Variants in SNX24 observed in about 807,000 individuals in gnomAD.
SNX24 encodes the protein sorting nexin 24, also known as sorting nexin-24.
In SNX24, 22 loss-of-function variants were observed where a neutral mutation model predicts 28.7. The observed-to-expected ratio is 0.77, with a 90% CI of 0.55 to 1.10. SNX24 has a LOEUF of 1.10. Among genes scored for constraint, SNX24 ranks in the 50% least tolerant of loss-of-function variants. SNX24 has a pLI of 0.00. For missense variants in SNX24, 221 were observed against 201.1 expected, an observed-to-expected ratio of 1.10 and a Z score of -0.60; for synonymous variants, 69 against 71.5, an observed-to-expected ratio of 0.96 and a Z score of 0.18.
At chr5:122,886,367 C>T (rs1407613318) in intron 1 of SNX24, among the ~76,000 whole-genome samples, 1 of 152,036 alleles carries the variant, frequency 6.6e-6, no homozygotes, top group African/African-American at 2.4e-5. Flanking sequence ...AACTTAATTC[C>T]TGTCTCTCTC....
intron 3 of SNX24, among the ~76,000 whole-genome samples, chr5:122,983,919 A>G (rs1761490398): frequency 6.6e-6 from 1 of 152,242 alleles, no homozygotes; most frequent in Non-Finnish European, 1.5e-5. Context: ...TTTGCTAAAT[A>G]TTCATATTAT....
At chr5:122,989,168 A>G (rs911055727) in intron 3 of SNX24, among the ~76,000 whole-genome samples, 3 of 152,186 alleles carry the variant, frequency 2.0e-5, no homozygotes, top group African/African-American at 4.8e-5. Context: ...GTGTTCTACC[A>G]TAGATAAAAA....
At chr5:122,916,466 A>G (rs1758170785) in intron 1 of SNX24, among the ~76,000 whole-genome samples, 1 of 150,946 alleles carries the variant, frequency 6.6e-6, no homozygotes, top group African/African-American at 2.4e-5. Context: ...AATTCTTTAA[A>G]GTGACTATTT....
intron 1 of SNX24, among the ~76,000 whole-genome samples, chr5:122,893,247 CCTT>C (rs34203554): frequency 0.78 from 117,308 of 151,066 alleles, 46,566 homozygotes; most frequent in East Asian, 0.99. Context: ...CAAGGGATCT[CCTT>C]CTAGTCGGCT....
intron 1 of SNX24, among the ~76,000 whole-genome samples, chr5:122,889,912 T>C (rs533501836): frequency 5.9e-5 from 9 of 151,380 alleles, no homozygotes; most frequent in Admixed American, 4.6e-4. Context: ...ATGTCCTTGT[T>C]AGTATTTTTT....
intron 1 of SNX24, among the ~76,000 whole-genome samples, chr5:122,912,734 GTTTTTTT>G (rs71223068): frequency 7.3e-6 from 1 of 137,020 alleles, no homozygotes; most frequent in African/African-American, 2.7e-5. Context: ...AATCATGTGG[GTTTTTTT>G]TTTTTTTTTT....
chr5:122,854,989 CTTTG>C (rs905097521), intron 1 of SNX24, among the ~76,000 whole-genome samples: 4 of 152,074 alleles, frequency 2.6e-5, no homozygotes, highest in African/African-American at 4.8e-5. Context: ...GAGTGGGAAT[CTTTG>C]TTTGCCTTGA....
intron 3 of SNX24, among the ~76,000 whole-genome samples, chr5:122,982,301 C>A (rs1310602049): frequency 1.3e-5 from 2 of 152,144 alleles, no homozygotes; most frequent in Non-Finnish European, 2.9e-5. Context: ...TTGAGCAGTT[C>A]TTTGAACACA....
At chr5:122,985,150 C>T (rs1157941557) in intron 3 of SNX24, among the ~76,000 whole-genome samples, 1 of 152,150 alleles carries the variant, frequency 6.6e-6, no homozygotes, top group Admixed American at 6.5e-5. Flanking sequence ...ACCATATCAT[C>T]TCATGTCATG....
chr5:122,890,573 G>A (rs1051038105), intron 1 of SNX24, among the ~76,000 whole-genome samples: 1 of 150,956 alleles, frequency 6.6e-6, no homozygotes, highest in Non-Finnish European at 1.5e-5. Context: ...AGGTTCAAGC[G>A]ATTCTTCCAC....
intron 3 of SNX24, among the ~76,000 whole-genome samples, chr5:122,952,009 A>G (rs891475328): frequency 2.0e-5 from 3 of 152,368 alleles, no homozygotes; most frequent in African/African-American, 7.2e-5. Flanking sequence ...TTCTCTACAT[A>G]AGAACTTAAT....
At chr5:123,011,512 CTT>C (rs10546325), downstream of SNX24, among the ~76,000 whole-genome samples, 20,668 of 152,168 alleles carry the variant, frequency 0.14, 3,241 homozygotes, top group African/African-American at 0.38. Context: ...GTTGAGCTCT[CTT>C]AATCAGTTTA....
At chr5:122,938,546 A>G (rs1009127506) in intron 2 of SNX24, among the ~76,000 whole-genome samples, 4 of 152,188 alleles carry the variant, frequency 2.6e-5, no homozygotes, top group African/African-American at 7.2e-5. Flanking sequence ...TTTGGGATAC[A>G]CTGTCTAATT....
At chr5:122,995,564 C>T (rs1762023274) in intron 3 of SNX24, among the ~76,000 whole-genome samples, 1 of 152,236 alleles carries the variant, frequency 6.6e-6, no homozygotes, top group African/African-American at 2.4e-5. Flanking sequence ...TTCTTGCAGA[C>T]CTACAATTTG....
In SNX24 at chr5:122,913,986, T is replaced by G. The variant is rs189057157; in HGVS notation, c.61-22748T>G. On this transcript the variant is annotated intron_variant, in intron 1 of 6. Coordinates refer to ENST00000261369, the MANE Select transcript of SNX24 (RefSeq NM_014035.4). ...CCAGTCAGGCGTGGCGGCGCGCACC[T>G]GCAATCGCAGGCACTCGGCAGGCTG... Among the ~76,000 whole-genome samples the G allele has an allele frequency of 2.7e-3, 406 of 152,242 alleles. 1 individual carries two copies. Among genetic ancestry groups the G allele is most frequent in the Non-Finnish European group, 4.5e-3 (304 of 68,014 alleles).
intron 1 of SNX24, among the ~76,000 whole-genome samples, chr5:122,912,907 T>G (rs1757956152): frequency 6.6e-6 from 1 of 151,948 alleles, no homozygotes; most frequent in South Asian, 2.1e-4. Flanking sequence ...TAGGGAGTGG[T>G]GATGACTCTT....
At chr5:122,985,015 A>T (rs1470683922) in intron 3 of SNX24, among the ~76,000 whole-genome samples, 1 of 152,196 alleles carries the variant, frequency 6.6e-6, no homozygotes, top group Non-Finnish European at 1.5e-5. Context: ...CATAATAAAG[A>T]GGTCAGAGAG....
intron 1 of SNX24, among the ~76,000 whole-genome samples, chr5:122,897,780 A>G (rs1405290585): frequency 6.6e-6 from 1 of 152,178 alleles, no homozygotes; most frequent in Non-Finnish European, 1.5e-5. Context: ...ACTGTTTCCT[A>G]TCTTGTATAA....
intron 1 of SNX24, among the ~76,000 whole-genome samples, chr5:122,894,424 A>AC (rs970050882): frequency 4.0e-5 from 6 of 151,350 alleles, no homozygotes; most frequent in African/African-American, 1.5e-4. Flanking sequence ...TTCCCCAATT[A>AC]TTTTTTTTGG....
Sources: gnomAD v4.1 joint callset for allele counts (sites outside exome capture counted in the v4.1 genomes callset) on GRCh38, gnomAD v4.1.1 for gene constraint, MANE v1.5 for transcripts, NCBI Gene and HGNC (gene_info 2026-07-23, HGNC 2026-07-21) for gene names.